KAZN: variants seen among roughly 807,000 people sequenced by gnomAD.
KAZN encodes the protein kazrin, periplakin interacting protein, also known as kazrin.
In KAZN, 40 loss-of-function variants were observed where a neutral mutation model predicts 87.4. The observed-to-expected ratio is 0.46, with a 90% CI of 0.36 to 0.60. The LOEUF is 0.60. Among genes scored for constraint, KAZN ranks in the 20% least tolerant of loss-of-function variants. The pLI, the probability that KAZN is intolerant of heterozygous loss-of-function variation, is 0.00. For missense variants in KAZN, 898 were observed against 1,073.9 expected, an observed-to-expected ratio of 0.84 and a Z score of 2.29; for synonymous variants, 466 against 458.3, an observed-to-expected ratio of 1.02 and a Z score of -0.22.
chr1:14,871,555 A>G (rs964778043), intron 1 of KAZN, among the ~76,000 whole-genome samples: 1 of 151,940 alleles, frequency 6.6e-6, no homozygotes, highest in Non-Finnish European at 1.5e-5. Flanking sequence ...GGGGAGGCGT[A>G]AGGAAGATGC....
intron 1 of KAZN, among the ~76,000 whole-genome samples, chr1:14,127,665 C>T (rs777419983): frequency 2.6e-5 from 4 of 152,148 alleles, no homozygotes; most frequent in Admixed American, 1.3e-4. Flanking sequence ...TCACTTGATT[C>T]TGGAGTCTTG....
chr1:14,214,568 C>A (rs1646920590), intron 2 of KAZN, among the ~76,000 whole-genome samples: 1 of 152,094 alleles, frequency 6.6e-6, no homozygotes, highest in Non-Finnish European at 1.5e-5. Flanking sequence ...CTTTCCTAAT[C>A]CTTTCCTAGA....
chr1:14,333,233 T>C (rs1656979378), intron 2 of KAZN, among the ~76,000 whole-genome samples: 1 of 152,250 alleles, frequency 6.6e-6, no homozygotes, highest in Non-Finnish European at 1.5e-5. Context: ...TTTTTATAGC[T>C]GCACAGTATT....
At position 14,856,110 on chromosome 1, in the gene KAZN, T is replaced by G. The variant is rs1650070446; in HGVS notation, c.227-104574T>G. ...CTTGGGGGTTTGGGTTTAAGTTACG[T>G]AGTAGTTATTGCAAGGGTCTGTGCT... On this transcript the variant is annotated intron_variant, in intron 1 of 14. Coordinates refer to ENST00000376030, the MANE Select transcript of KAZN (RefSeq NM_201628.3). This position sits in a 1 kb window ranked among gnomAD's most constrained non-coding sequence, Gnocchi z 5.2. Among the ~76,000 whole-genome samples, 1 of 152,014 alleles carries G rather than the reference T, an allele frequency of 6.6e-6. No homozygotes were observed. Among genetic ancestry groups the G allele is most frequent in the Admixed American group, 6.6e-5 (1 of 15,252 alleles).
intron 2 of KAZN, among the ~76,000 whole-genome samples, chr1:14,508,257 G>A (rs1333682632): frequency 2.0e-5 from 3 of 152,140 alleles, no homozygotes; most frequent in East Asian, 1.9e-4. Flanking sequence ...TGGGCTCCAC[G>A]CTGGACTTGT....
intron 1 of KAZN, among the ~76,000 whole-genome samples, chr1:13,959,930 C>T (rs1641689043): frequency 6.6e-6 from 1 of 152,124 alleles, no homozygotes; most frequent in African/African-American, 2.4e-5. Context: ...GTGGGCACTG[C>T]ATTTGGAGCT....
intron 2 of KAZN, among the ~76,000 whole-genome samples, chr1:14,579,602 G>A (rs1675410427): frequency 6.7e-6 from 1 of 150,318 alleles, no homozygotes; most frequent in Non-Finnish European, 1.5e-5. Context: ...TGCAGCCTGG[G>A]CAACACAGCG....
At chr1:14,914,203 G>C (rs961304581) in intron 1 of KAZN, among the ~76,000 whole-genome samples, 1 of 152,190 alleles carries the variant, frequency 6.6e-6, no homozygotes, top group South Asian at 2.1e-4. Flanking sequence ...CCATGCTCAG[G>C]AGAGATGCTG....
intron 1 of KAZN, among the ~76,000 whole-genome samples, chr1:14,100,253 G>C (rs995878989): frequency 2.6e-5 from 4 of 152,222 alleles, no homozygotes; most frequent in Non-Finnish European, 4.4e-5. Flanking sequence ...TTTGAGTCCT[G>C]CCAGGAATCT....
intron 2 of KAZN, among the ~76,000 whole-genome samples, chr1:14,239,927 C>T (rs1032083791): frequency 1.3e-5 from 2 of 152,154 alleles, no homozygotes; most frequent in Non-Finnish European, 2.9e-5. Flanking sequence ...ATGCCCAGGA[C>T]AGCAGCTCTC....
At chr1:14,762,597 C>T (rs563331548) in intron 1 of KAZN, among the ~76,000 whole-genome samples, 34 of 152,150 alleles carry the variant, frequency 2.2e-4, no homozygotes, top group African/African-American at 6.3e-4. Flanking sequence ...CGGTGGCAGG[C>T]GCCTGTAGTC....
chr1:14,373,198 A>AATATATATATATATAT (rs58491688), intron 2 of KAZN, among the ~76,000 whole-genome samples: 425 of 149,070 alleles, frequency 2.9e-3, no homozygotes, highest in African/African-American at 8.5e-3. Context: ...TGAAAAACTG[A>AATATATATATATATAT]ATATATATAT....
intron 2 of KAZN, among the ~76,000 whole-genome samples, chr1:14,347,283 G>A (rs926774695): frequency 6.6e-6 from 1 of 152,280 alleles, no homozygotes; most frequent in Middle Eastern, 3.4e-3. Context: ...GGCTTATGCA[G>A]CACATAACAT....
intron 1 of KAZN, among the ~76,000 whole-genome samples, chr1:14,914,201 A>T (rs962285557): frequency 1.3e-5 from 2 of 152,202 alleles, no homozygotes; most frequent in African/African-American, 4.8e-5. Flanking sequence ...CTCCATGCTC[A>T]GGAGAGATGC....
At chr1:14,569,668 A>G (rs1460633923) in intron 2 of KAZN, among the ~76,000 whole-genome samples, 1 of 151,964 alleles carries the variant, frequency 6.6e-6, no homozygotes, top group Non-Finnish European at 1.5e-5. Flanking sequence ...ATTTATCATC[A>G]ACCAGTTTGG....
intron 1 of KAZN, among the ~76,000 whole-genome samples, chr1:13,912,606 T>C (rs1156760675): frequency 7.0e-6 from 1 of 143,072 alleles, no homozygotes; most frequent in Non-Finnish European, 1.6e-5. Flanking sequence ...TCCTACCTAA[T>C]GCAATTCTTT....
Position 14,677,084 on chromosome 1 carries a change from A to T in KAZN, c.226+77861A>T, listed in dbSNP as rs902795132. Among the ~76,000 whole-genome samples, 3 of 152,096 alleles carry T rather than the reference A, an allele frequency of 2.0e-5. 1 individual carries two copies. In the South Asian group the frequency reaches 6.2e-4, roughly 32 times the overall value. On this transcript the variant is annotated intron_variant, in intron 1 of 14. Transcript: ENST00000376030. ...ATATTCTAGCATTTATTTAGTGCCA[A>T]CTGTGTGCCCAGCAGTATGACAAGA...
At chr1:14,807,471 T>C (rs1368713549) in intron 1 of KAZN, among the ~76,000 whole-genome samples, 1 of 152,124 alleles carries the variant, frequency 6.6e-6, no homozygotes, top group African/African-American at 2.4e-5. Context: ...TTATTACTGA[T>C]AAAACTAATC....
chr1:14,927,003 G>T (rs1246745839), intron 1 of KAZN, among the ~76,000 whole-genome samples: 1 of 152,194 alleles, frequency 6.6e-6, no homozygotes, highest in African/African-American at 2.4e-5. Flanking sequence ...GCCCTGTGAT[G>T]GTGACAGCTC....
Sources: gnomAD v4.1 joint callset for allele counts (sites outside exome capture counted in the v4.1 genomes callset) on GRCh38, gnomAD v4.1.1 for gene constraint, Gnocchi (gnomAD v3.1) non-coding constraint, MANE v1.5 for transcripts, NCBI Gene and HGNC (gene_info 2026-07-23, HGNC 2026-07-21) for gene names.